Variants in NAA25 observed in about 807,000 individuals in gnomAD.
The protein encoded by NAA25 is N-alpha-acetyltransferase 25, NatB auxiliary subunit.
A neutral mutation model predicts 132.5 loss-of-function variants in NAA25; 30 were observed. The ratio of observed to expected loss-of-function variants is 0.23; its 90% CI spans 0.17 to 0.31. The LOEUF (loss-of-function observed/expected upper bound fraction) is 0.31, where lower values mean the gene tolerates loss of function less well. Among genes scored for constraint, NAA25 ranks in the 10% least tolerant of loss-of-function variants. NAA25 has a pLI of 1.00. For synonymous variants in NAA25, 359 were observed against 401.9 expected (o/e 0.89, Z 1.28); for missense variants, 771 against 1,150.4 (o/e 0.67, Z 4.77).
Position 112,075,728 on chromosome 12 carries a change from C to G in NAA25, c.726G>C (p.Leu242=). 1 of 1,614,006 alleles carries G rather than the reference C, an allele frequency of 6.2e-7. No homozygotes were observed. Among genetic ancestry groups the G allele is most frequent in the Non-Finnish European group, 8.5e-7 (1 of 1,179,922 alleles). ...GGGCATTGCACTCTGGCCACCTGCT[C>G]AGCTTCTTGTACATAGCCATGCATT... ...ENKCMAMYKK[L]SRWPECNALS... The change falls in exon 8 of 24, where the codon CTG becomes CTC. Residue 242 remains leucine (L), a synonymous_variant. Transcript: ENST00000261745.
chr12:112,088,322 T>G (rs2136922937), intron 3 of NAA25, among the ~76,000 whole-genome samples: 1 of 141,534 alleles, frequency 7.1e-6, no homozygotes, highest in South Asian at 2.4e-4. Context: ...TTGTAGTTTT[T>G]TTTTTTTTTT....
chr12:112,041,203 T>A (rs1593752183), intron 20 of NAA25, among the ~76,000 whole-genome samples: 1 of 150,104 alleles, frequency 6.7e-6, no homozygotes, highest in Non-Finnish European at 1.5e-5. Context: ...TTTTTTTTTT[T>A]TTGAGATGGA....
At chr12:112,051,299 C>T (rs1032592526) in intron 15 of NAA25, among the ~76,000 whole-genome samples, 5 of 152,154 alleles carry the variant, frequency 3.3e-5, no homozygotes, top group Non-Finnish European at 7.3e-5. Context: ...GCAACCTCCA[C>T]CTCCCGGGTC....
chr12:112,070,130 AAAT>A (rs757758305), intron 10 of NAA25, among the ~76,000 whole-genome samples: 25 of 152,184 alleles, frequency 1.6e-4, no homozygotes, highest in Non-Finnish European at 3.1e-4. Context: ...ACTGTCTCAA[AAAT>A]AATAATAATA....
intron 23 of NAA25, 131 bp from the exon 24 acceptor site, chr12:112,029,784 A>T (rs1209283816): frequency 7.7e-7 from 1 of 1,291,014 alleles, no homozygotes; most frequent in African/African-American, 1.5e-5. Flanking sequence ...ACAGTGGGTC[A>T]TTTTCAATTG....
chr12:112,056,313 C>T (rs531278340), intron 13 of NAA25, among the ~76,000 whole-genome samples: 9 of 150,942 alleles, frequency 6.0e-5, no homozygotes, highest in Non-Finnish European at 1.0e-4. Flanking sequence ...CAGCCTGGGA[C>T]GGAGTTAAGA....
At chr12:112,103,080 G>A (rs991814721) in intron 1 of NAA25, among the ~76,000 whole-genome samples, 8 of 152,106 alleles carry the variant, frequency 5.3e-5, no homozygotes, top group African/African-American at 1.7e-4. Flanking sequence ...TCCGCCTCCC[G>A]GGTTCAAGTG....
rs369002709 is a variant in NAA25 at position 112,087,582 on chromosome 12, A to G, written c.402+101T>C. 6.5e-5 allele frequency: 49 copies of G among 750,960 alleles called. No homozygotes were observed. In the African/African-American group the frequency reaches 6.9e-4, roughly 11 times the overall value. The allele number at this position is 750,960 out of a possible 1,614,324, so 46.5% of individuals were successfully genotyped here. On this transcript the variant is annotated intron_variant, in intron 4 of 23. Transcript: ENST00000261745. ...CCACACAGAAAAATCCATAAATTCA[A>G]TTCTACACACACACATACCCAGTGC...
At chr12:112,096,838 G>T (rs1015695450) in intron 1 of NAA25, among the ~76,000 whole-genome samples, 13 of 152,162 alleles carry the variant, frequency 8.5e-5, no homozygotes, top group African/African-American at 3.1e-4. Flanking sequence ...GTCCTGCAAG[G>T]TTCCAGGTTC....
intron 17 of NAA25, among the ~76,000 whole-genome samples, chr12:112,044,452 C>T (rs1389008226): frequency 8.0e-5 from 12 of 150,012 alleles, no homozygotes; most frequent in Admixed American, 6.0e-4. Context: ...GGGCAGATCA[C>T]GAGGTCAGGA....
intron 1 of NAA25, 113 bp downstream of exon 1, chr12:112,108,603 C>T: frequency 8.7e-7 from 1 of 1,148,986 alleles, no homozygotes; most frequent in Non-Finnish European, 1.1e-6. Flanking sequence ...GCCCGCCCCC[C>T]TGCGCCTGCC....
intron 10 of NAA25, among the ~76,000 whole-genome samples, chr12:112,070,908 G>C (rs566696554): frequency 6.6e-6 from 1 of 152,290 alleles, no homozygotes; most frequent in Non-Finnish European, 1.5e-5. Flanking sequence ...CACCATGCCT[G>C]GCTAATTTTT....
chr12:112,068,227 C>A (rs543059166), intron 11 of NAA25, among the ~76,000 whole-genome samples: 2 of 151,960 alleles, frequency 1.3e-5, no homozygotes, highest in African/African-American at 2.4e-5. Flanking sequence ...CAAAAAATGA[C>A]AAAATTATAA....
intron 11 of NAA25, among the ~76,000 whole-genome samples, chr12:112,066,034 G>A (rs931569953): frequency 6.6e-6 from 1 of 152,124 alleles, no homozygotes; most frequent in African/African-American, 2.4e-5. Context: ...TTCTCACAGA[G>A]CAGTGACTAG....
intron 7 of NAA25, 64 bp from the exon 8 acceptor site, chr12:112,075,853 G>T: frequency 8.0e-7 from 1 of 1,255,690 alleles, no homozygotes. Flanking sequence ...CCAGAATAGA[G>T]TCCAACCACA....
chr12:112,057,163 T>C (rs908785836), intron 13 of NAA25, among the ~76,000 whole-genome samples: 3 of 151,980 alleles, frequency 2.0e-5, no homozygotes, highest in African/African-American at 7.3e-5. Flanking sequence ...ACTCCAGCCC[T>C]GGCAACAGAG....
At chr12:112,045,861 A>G (rs1280564667) in intron 17 of NAA25, among the ~76,000 whole-genome samples, 3 of 152,212 alleles carry the variant, frequency 2.0e-5, no homozygotes, top group Non-Finnish European at 4.4e-5. Flanking sequence ...TGGTTACAGT[A>G]TGCAACAGAG....
At chr12:112,075,604 A>G in intron 8 of NAA25, 74 bp downstream of exon 8, 1 of 1,229,168 alleles carries the variant, frequency 8.1e-7, no homozygotes, top group Non-Finnish European at 1.2e-6. Flanking sequence ...CAAAACACAG[A>G]CACCAAGAAA....
intron 11 of NAA25, among the ~76,000 whole-genome samples, chr12:112,066,892 A>G (rs779255294): frequency 5.3e-5 from 8 of 152,200 alleles, no homozygotes; most frequent in Non-Finnish European, 1.0e-4. Context: ...AAATACTCTA[A>G]TTATATCCAC....
Sources: allele counts gnomAD v4.1 joint callset (sites outside exome capture counted in the v4.1 genomes callset), GRCh38; gene constraint gnomAD v4.1.1; transcripts MANE v1.5; gene names NCBI Gene and HGNC (gene_info 2026-07-23, HGNC 2026-07-21).